Variants in CTRL observed in about 807,000 individuals in gnomAD.
CTRL encodes chymotrypsin like, also known as chymotrypsin-like protease CTRL-1.
A neutral mutation model predicts 35.5 loss-of-function variants in CTRL; 38 were observed. The ratio of observed to expected loss-of-function variants is 1.07; its 90% confidence interval spans 0.83 to 1.40. The LOEUF (loss-of-function observed/expected upper bound fraction) is 1.40. Ranked by LOEUF, CTRL falls within the 40% of genes most tolerant of loss-of-function variation. The pLI, the probability that CTRL is intolerant of heterozygous loss-of-function variation, is 0.00. For missense variants in CTRL, 327 were observed against 342.9 expected, an observed-to-expected ratio of 0.95 and a Z score of 0.37; for synonymous variants, 155 against 141.1, an observed-to-expected ratio of 1.10 and a Z score of -0.70.
Position 67,929,777 on chromosome 16 carries a change from A to G in CTRL, c.*157T>C. On this transcript the variant is annotated 3_prime_UTR_variant, in exon 7 of 7. Coordinates refer to ENST00000574481, the MANE Select transcript of CTRL (RefSeq NM_001907.3). ...CTCTAGGAAGAGCCACTGCTACTCA[A>G]GGAGTCACTCAGCCCCTTCTGTGCC... 2 of 822,628 alleles carry G rather than the reference A, an allele frequency of 2.4e-6. No individual in the cohort carries two copies. The highest frequency in any genetic ancestry group is 3.8e-6 in the Non-Finnish European group (2 of 530,546). 51.0% of individuals were successfully genotyped at this position (822,628 alleles called of 1,614,324 possible).
Position 67,930,074 on chromosome 16 carries a change from CAA to C in CTRL, c.653_654del (p.Leu218ArgfsTer33), listed in dbSNP as rs1333136753. The C allele has an allele frequency of 5.0e-6, 8 of 1,614,064 alleles. No individual in the cohort carries two copies. The highest frequency in any genetic ancestry group is 3.3e-5 in the Admixed American group (2 of 60,018). On this transcript the variant is annotated frameshift_variant, in exon 7 of 7. Transcript: ENST00000574481. LOFTEE classifies it high-confidence loss of function. This position sits in a 1 kb window ranked among gnomAD's most constrained non-coding sequence, Gnocchi z 4.3. ...ACCCATGTGTTTCCCTTCTGGCAGA[CAA>C]GAGGGCCTCCGGAGTCACCCTGAGA... Reference protein sequence around the residue: ...SSCQGDSGGPLVCQKGNTWVL... With the variant: ...SSCQGDSGGPXVCQKGNTWVL...
intron 1 of CTRL, 148 bp downstream of exon 1, chr16:67,931,652 TC>T: frequency 1.1e-6 from 1 of 916,906 alleles, no homozygotes. Flanking sequence ...GCAGGCCTGT[TC>T]CCTGCTCCAC....
In CTRL at chr16:67,930,497, A is replaced by G; in HGVS notation, c.410T>C (p.Ile137Thr). ...TGAGGATGCCAGGCAAACTGGCGAG[A>G]TGCGTGTTGTGTACTGGGCTGGCGA... ...LASPAQYTTR[I>T]SPVCLASSNE... The change falls in exon 5 of 7, where the codon ATC (isoleucine) becomes ACC (threonine). Residue 137 changes from isoleucine to threonine, a missense_variant. Coordinates refer to ENST00000574481, the MANE Select transcript of CTRL (RefSeq NM_001907.3). This position sits in a 1 kb window ranked among gnomAD's most constrained non-coding sequence, Gnocchi z 4.3. 1 of 1,614,086 alleles carries G rather than the reference A, an allele frequency of 6.2e-7. No individual in the cohort carries two copies. Among genetic ancestry groups the G allele is most frequent in the Non-Finnish European group, 8.5e-7 (1 of 1,180,016 alleles).
intron 1 of CTRL, chr16:67,931,565 C>A: frequency 1.7e-6 from 1 of 599,126 alleles, no homozygotes; most frequent in Non-Finnish European, 3.0e-6. Context: ...TTCCTAAACC[C>A]TCCCGGGCTC....
rs1408378440 is a variant in CTRL, at chr16:67,930,959, C to T, written c.197G>A (p.Ser66Asn). 6.2e-7 allele frequency: 1 copy of T among 1,613,706 alleles called. No homozygotes were observed. The highest frequency in any genetic ancestry group is 1.3e-5 in the African/African-American group (1 of 74,898). Reference protein sequence around the residue: ...GFHFCGGSLISQSWVVTAAHC... With the variant: ...GFHFCGGSLINQSWVVTAAHC... Reference sequence around the variant, plus strand: ...GGCAGCAGTGACCACCCAGGACTGGCTGATGAGAGAACCACCGCAGAAGTG... The same window carrying T: ...GGCAGCAGTGACCACCCAGGACTGGTTGATGAGAGAACCACCGCAGAAGTG... The change falls in exon 3 of 7, where the codon AGC (serine) becomes AAC (asparagine). Residue 66 changes from serine to asparagine, a missense_variant. Transcript: ENST00000574481. This position sits in a 1 kb window ranked among gnomAD's most constrained non-coding sequence, Gnocchi z 4.3.
Position 67,929,801 on chromosome 16 carries a change from C to T in CTRL, c.*133G>A. The T allele has an allele frequency of 1.0e-6, 1 of 985,870 alleles. No individual in the cohort carries two copies. The highest frequency in any genetic ancestry group is 1.5e-5 in the South Asian group (1 of 65,290). 61.1% of individuals were successfully genotyped at this position (985,870 alleles called of 1,614,324 possible). A position where few individuals can be genotyped will look rare whatever the true frequency, so the allele number is the denominator to read the frequency against. ...AAGGAGTCACTCAGCCCCTTCTGTG[C>T]CAGAAGTCCAAGTAGGGAGTCGGAC... On this transcript the variant is annotated 3_prime_UTR_variant, in exon 7 of 7. Coordinates refer to ENST00000574481, the MANE Select transcript of CTRL (RefSeq NM_001907.3).
In CTRL at chr16:67,930,953, G is replaced by C; in HGVS notation, c.203C>G (p.Ser68Cys). The C allele has an allele frequency of 6.2e-7, 1 of 1,613,830 alleles. No individual in the cohort carries two copies. The highest frequency in any genetic ancestry group is 8.5e-7 in the Non-Finnish European group (1 of 1,179,998). ...HFCGGSLISQ[S>C]WVVTAAHCNV... is the part of the protein sequence containing the mutation. Reference sequence around the variant, plus strand: ...GCAGTGGGCAGCAGTGACCACCCAGGACTGGCTGATGAGAGAACCACCGCA... The same window carrying C: ...GCAGTGGGCAGCAGTGACCACCCAGCACTGGCTGATGAGAGAACCACCGCA... The change falls in exon 3 of 7, where the codon TCC becomes TGC. Residue 68 changes from serine (S) to cysteine (C), a missense_variant. By Grantham distance (112) the Ser-to-Cys change is moderately radical (BLOSUM62 -1). Transcript: ENST00000574481. This position sits in a 1 kb window ranked among gnomAD's most constrained non-coding sequence, Gnocchi z 4.3.
intron 1 of CTRL, 171 bp from the exon 2 acceptor site, chr16:67,931,372 G>T (rs1338349132): frequency 3.1e-6 from 2 of 649,498 alleles, no homozygotes; most frequent in Admixed American, 2.4e-5. Context: ...AGCTATCTTG[G>T]TTATCCCTAT....
chr16:67,929,866 A>G lies in CTRL; in HGVS notation c.*68T>C, dbSNP rs1294206860. The G allele has an allele frequency of 6.5e-7, 1 of 1,532,850 alleles. No individual in the cohort carries two copies. Among genetic ancestry groups the G allele is most frequent in the Non-Finnish European group, 8.9e-7 (1 of 1,117,636 alleles). 95.0% of individuals were successfully genotyped at this position (1,532,850 alleles called of 1,614,324 possible). A position where few individuals can be genotyped will look rare whatever the true frequency, so the allele number is the denominator to read the frequency against. The stretch of plus-strand genomic sequence containing the variant: ...TCTTTCTCCTGAGCCAGGAAGACAG[A>G]CATGAATGCATGATGGGACAGGGCC... On this transcript the variant is annotated 3_prime_UTR_variant, in exon 7 of 7. Transcript: ENST00000574481.
Position 67,929,764 on chromosome 16 carries a change from C to G in CTRL, c.*170G>C. 1.4e-6 allele frequency: 1 copy of G among 736,604 alleles called. No individual in the cohort carries two copies. 45.6% of individuals were successfully genotyped at this position (736,604 alleles called of 1,614,324 possible). On this transcript the variant is annotated 3_prime_UTR_variant, in exon 7 of 7. Coordinates refer to ENST00000574481, the MANE Select transcript of CTRL (RefSeq NM_001907.3). ...CTCGGCATGGCTACTCTAGGAAGAG[C>G]CACTGCTACTCAAGGAGTCACTCAG...
rs533233278 is a variant in CTRL at position 67,931,176 on chromosome 16, C to A, written c.78G>T (p.Pro26=). Residue 26 remains proline, a synonymous_variant, in exon 2 of 7, where the codon CCG becomes CCT. Transcript: ENST00000574481. ...SWGCGIPAIK[P]ALSFSQRIVN... Reference sequence around the variant, plus strand: ...CAATCCTCTGGCTGAAGCTCAGTGCCGGTTTGATGGCAGGAATGCCGCAGC... The same window carrying A: ...CAATCCTCTGGCTGAAGCTCAGTGCAGGTTTGATGGCAGGAATGCCGCAGC... 6.2e-7 allele frequency: 1 copy of A among 1,614,096 alleles called. No individual in the cohort carries two copies. The highest frequency in any genetic ancestry group is 8.5e-7 in the Non-Finnish European group (1 of 1,180,000).
rs762987081 is a variant in CTRL at position 67,931,086 on chromosome 16, C to G, written c.156+12G>C. 2 of 1,613,874 alleles carry G rather than the reference C, an allele frequency of 1.2e-6. No individual in the cohort carries two copies. The highest frequency in any genetic ancestry group is 1.3e-5 in the African/African-American group (1 of 75,058). On this transcript the variant is annotated intron_variant, in intron 2 of 6. Coordinates refer to ENST00000574481, the MANE Select transcript of CTRL (RefSeq NM_001907.3). ...CGTACCCAGGACCCTGCCCACCCCT[C>G]TGGTGGTGTACCTGCAGGGACACCT...
At position 67,930,564 on chromosome 16, in the gene CTRL, A is replaced by G. The variant is rs1457711810; in HGVS notation, c.343T>C (p.Ser115Pro). The G allele has an allele frequency of 9.3e-6, 15 of 1,613,994 alleles. No individual in the cohort carries two copies. Among genetic ancestry groups the G allele is most frequent in the African/African-American group, 1.3e-5 (1 of 74,922 alleles). The change falls in exon 5 of 7, where the codon TCT becomes CCT. Residue 115 changes from serine to proline, a missense_variant. Ser to Pro is a moderately conservative substitution (Grantham distance 74). Coordinates refer to ENST00000574481, the MANE Select transcript of CTRL (RefSeq NM_001907.3). This position sits in a 1 kb window ranked among gnomAD's most constrained non-coding sequence, Gnocchi z 4.3. ...GTCACGTCATTGTTCATGGTGGTAG[A>G]GTTCCAGCTAGGGTGTGTAATGGCC... is the stretch of plus-strand genomic sequence containing the variant. ...SRAITHPSWNSTTMNNDVTLL... is the reference protein window; with the variant it reads ...SRAITHPSWNPTTMNNDVTLL...
chr16:67,929,997 A>G lies in CTRL; in HGVS notation c.732T>C (p.Pro244=). ...WGTKNCNVRA[P]AVYTRVSKFS... ...ACTTGCTAACTCGAGTATACACAGCAGGTGCGCGCACATTGCAGTTTTTGG... is the reference window on the plus strand; with the variant it reads ...ACTTGCTAACTCGAGTATACACAGCGGGTGCGCGCACATTGCAGTTTTTGG... Residue 244 remains proline (P), a synonymous_variant, in exon 7 of 7, where the codon CCT becomes CCC. Coordinates refer to ENST00000574481, the MANE Select transcript of CTRL (RefSeq NM_001907.3). 6.2e-7 allele frequency: 1 copy of G among 1,614,176 alleles called. No homozygotes were observed. The highest frequency in any genetic ancestry group is 8.5e-7 in the Non-Finnish European group (1 of 1,180,020).
Position 67,931,854 on chromosome 16 carries a change from G to A in CTRL, c.-2C>T, listed in dbSNP as rs1020536457. ...TAGGGTCAGGCTGAGCAGCAACATC[G>A]TGGCAGATGTGAGGTTGGGAGCTGG... is the stretch of plus-strand genomic sequence containing the variant. On this transcript the variant is annotated 5_prime_UTR_variant, in exon 1 of 7. The change creates a new upstream start codon in the 5' untranslated region. Transcript: ENST00000574481. 3.2e-6 allele frequency: 5 copies of A among 1,568,762 alleles called. No individual in the cohort carries two copies. Among genetic ancestry groups the A allele is most frequent in the Admixed American group, 1.9e-5 (1 of 53,448 alleles).
chr16:67,931,420 G>A (rs1404094804), intron 1 of CTRL: 4 of 611,468 alleles, frequency 6.5e-6, no homozygotes, highest in Non-Finnish European at 1.2e-5. Flanking sequence ...TCCTACATCT[G>A]TCTCCAGCCT....
Position 67,929,595 on chromosome 16 carries a change from T to C in CTRL, c.*339A>G. 3.7e-6 allele frequency: 1 copy of C among 269,270 alleles called. No individual in the cohort carries two copies. Among genetic ancestry groups the C allele is most frequent in the South Asian group, 6.2e-5 (1 of 16,162 alleles). The allele number at this position is 269,270 out of a possible 1,614,324, so 16.7% of individuals were successfully genotyped here. A position where few individuals can be genotyped will look rare whatever the true frequency, so the allele number is the denominator to read the frequency against. ...TGGATGGAGAATGTGCAGTTATTTA[T>C]TATGCGTATTCAGTTTGTAAACGTA... is the stretch of plus-strand genomic sequence containing the variant. On this transcript the variant is annotated 3_prime_UTR_variant, in exon 7 of 7. Coordinates refer to ENST00000574481, the MANE Select transcript of CTRL (RefSeq NM_001907.3).
Position 67,930,897 on chromosome 16 carries a change from G to A in CTRL, c.236+23C>T. On this transcript the variant is annotated intron_variant, in intron 3 of 6. Coordinates refer to ENST00000574481, the MANE Select transcript of CTRL (RefSeq NM_001907.3). This position sits in a 1 kb window ranked among gnomAD's most constrained non-coding sequence, Gnocchi z 4.3. The stretch of plus-strand genomic sequence containing the variant: ...GAGGCAGGAAGAGGCGAGGGGCGGG[G>A]CAGGTGGAATGCAGGCACTCACCTG... The A allele has an allele frequency of 6.2e-7, 1 of 1,612,664 alleles. No individual in the cohort carries two copies. Among genetic ancestry groups the A allele is most frequent in the Non-Finnish European group, 8.5e-7 (1 of 1,179,616 alleles).
rs1157649338 is a variant in CTRL, at chr16:67,931,080, A to C, written c.156+18T>G. 2 of 1,613,500 alleles carry C rather than the reference A, an allele frequency of 1.2e-6. No homozygotes were observed. The highest frequency in any genetic ancestry group is 2.2e-5 in the East Asian group (1 of 44,872). On this transcript the variant is annotated intron_variant, in intron 2 of 6. Coordinates refer to ENST00000574481, the MANE Select transcript of CTRL (RefSeq NM_001907.3). ...GCATGACGTACCCAGGACCCTGCCC[A>C]CCCCTCTGGTGGTGTACCTGCAGGG...
Sources: allele counts gnomAD v4.1 joint callset, GRCh38; gene constraint gnomAD v4.1.1; non-coding constraint Gnocchi (gnomAD v3.1); transcripts MANE v1.5; gene names NCBI Gene and HGNC (gene_info 2026-07-23, HGNC 2026-07-21).